The following ZNF142 variants were observed in gnomAD, a reference collection of about 807,000 sequenced individuals.
ZNF142 encodes zinc finger protein 142 (clone pHZ-49).
ZNF142 carries 96 observed loss-of-function variants against 132.1 expected under a neutral mutation model. The ratio of observed to expected loss-of-function variants is 0.73; its 90% CI spans 0.62 to 0.86. ZNF142 has a LOEUF of 0.86. Ranked by LOEUF, ZNF142 falls within the 40% of genes least tolerant of loss-of-function variation. The probability of loss-of-function intolerance (pLI) is 0.00; values close to 1 mark genes in which losing one functional copy is unlikely to be tolerated. For synonymous variants in ZNF142, 842 were observed against 890.1 expected, an observed-to-expected ratio of 0.95 and a Z score of 0.96; for missense variants, 2,163 against 2,336.2, an observed-to-expected ratio of 0.93 and a Z score of 1.53.
chr2:218,645,918 T>A (rs910080323), intron 8 of ZNF142, among the ~76,000 whole-genome samples: 3 of 152,170 alleles, frequency 2.0e-5, no homozygotes, highest in African/African-American at 7.2e-5. Flanking sequence ...TCTGCTACCA[T>A]GCCCAGCTAA....
At chr2:218,652,371 G>C in intron 4 of ZNF142, 71 bp from the exon 5 acceptor site, 2 of 448,050 alleles carry the variant, frequency 4.5e-6, no homozygotes, top group South Asian at 3.2e-5. Context: ...TTAGTTACTA[G>C]TAGAAAATGT....
chr2:218,636,841 C>T lies in ZNF142; in HGVS notation c.*1498G>A. 1 of 542,190 alleles carries T rather than the reference C, an allele frequency of 1.8e-6. No homozygotes were observed. The highest frequency in any genetic ancestry group is 3.5e-6 in the Non-Finnish European group (1 of 283,606). 33.6% of individuals were successfully genotyped at this position (542,190 alleles called of 1,614,324 possible). On this transcript the variant is annotated 3_prime_UTR_variant, in exon 11 of 11. Coordinates refer to ENST00000411696, the MANE Select transcript of ZNF142 (RefSeq NM_001379659.1). ...TTTGTGTACTCTATACTGGAGTTCC[C>T]TTCTTCCTCTTGCTGTAGGCTCAAT...
chr2:218,651,588 C>T, intron 5 of ZNF142, 113 bp downstream of exon 5: 1 of 1,150,808 alleles, frequency 8.7e-7, no homozygotes. Flanking sequence ...GAGCCACTGT[C>T]TAGATTCTCT....
rs1411142664 is a variant in ZNF142, at chr2:218,636,859, G to A, written c.*1480C>T. ...GAGTTCCCTTCTTCCTCTTGCTGTA[G>A]GCTCAATCCCATACCGACATCTACA... On this transcript the variant is annotated 3_prime_UTR_variant, in exon 11 of 11. Transcript: ENST00000411696. 2 of 516,588 alleles carry A rather than the reference G, an allele frequency of 3.9e-6. No individual in the cohort carries two copies. The highest frequency in any genetic ancestry group is 2.3e-5 in the Admixed American group (1 of 44,242). 32.0% of individuals were successfully genotyped at this position (516,588 alleles called of 1,614,324 possible).
In ZNF142 at chr2:218,642,173, C is replaced by G. The variant is rs775858349; in HGVS notation, c.4943G>C (p.Gly1648Ala). The change falls in exon 9 of 11, where the codon GGC becomes GCC. Residue 1648 changes from glycine to alanine, a missense_variant. Gly to Ala is a moderately conservative substitution (Grantham distance 60). Coordinates refer to ENST00000411696, the MANE Select transcript of ZNF142 (RefSeq NM_001379659.1). This position sits in a 1 kb window ranked among gnomAD's most constrained non-coding sequence, Gnocchi z 4.6. ...VLDHHVKGHGGTRLYKCTDCA... is the reference protein window; with the variant it reads ...VLDHHVKGHGATRLYKCTDCA... ...ATCGGTGCACTTGTAGAGACGAGTG[C>G]CCCCATGCCCTTTCACATGGTGATC... 2 of 1,614,174 alleles carry G rather than the reference C, an allele frequency of 1.2e-6. No homozygotes were observed. Among genetic ancestry groups the G allele is most frequent in the Admixed American group, 3.3e-5 (2 of 60,024 alleles).
At chr2:218,654,372 C>T (rs1575085205) in intron 4 of ZNF142, among the ~76,000 whole-genome samples, 2 of 147,420 alleles carry the variant, frequency 1.4e-5, no homozygotes, top group African/African-American at 2.5e-5. Context: ...AATGCATCTC[C>T]TTTTTTTTTT....
rs1697058219 is a variant in ZNF142 at position 218,640,084 on chromosome 2, A to AG, written c.5194+579_5194+580insC. Reference sequence around the variant, plus strand: ...CTCAAAAAAAAAAAAAAAAAAAAAAAAAAAAGAAATACTTAGGAGGGAAGA... The same window carrying AG: ...CTCAAAAAAAAAAAAAAAAAAAAAAAGAAAAAGAAATACTTAGGAGGGAAGA... On this transcript the variant is annotated intron_variant, in intron 10 of 10. Coordinates refer to ENST00000411696, the MANE Select transcript of ZNF142 (RefSeq NM_001379659.1). Among the ~76,000 whole-genome samples, 3 of 150,716 alleles carry AG rather than the reference A, an allele frequency of 2.0e-5. No homozygotes were observed. In the South Asian group the frequency reaches 6.3e-4, roughly 32 times the overall value.
chr2:218,647,959 AGT>A (rs757112282), intron 7 of ZNF142, among the ~76,000 whole-genome samples: 32 of 152,268 alleles, frequency 2.1e-4, no homozygotes, highest in Non-Finnish European at 4.3e-4. Context: ...GAATGAGTTC[AGT>A]GAGAATGGCT....
At chr2:218,657,917 C>T (rs781273602) in intron 3 of ZNF142, among the ~76,000 whole-genome samples, 1 of 152,206 alleles carries the variant, frequency 6.6e-6, no homozygotes, top group Non-Finnish European at 1.5e-5. Context: ...CTGACATTAT[C>T]ACTTCAACGA....
intron 7 of ZNF142, among the ~76,000 whole-genome samples, chr2:218,646,734 G>A (rs1482811548): frequency 6.6e-6 from 1 of 152,092 alleles, no homozygotes; most frequent in Non-Finnish European, 1.5e-5. Flanking sequence ...ACAGGTGCCC[G>A]CCACCACGCC....
chr2:218,642,701 A>T lies in ZNF142; in HGVS notation c.4415T>A (p.Ile1472Asn). ...CDYSGYLRHD[I>N]TRHVNSCHQG... The stretch of plus-strand genomic sequence containing the variant: ...GTGGCAGCTGTTGACATGACGAGTG[A>T]TGTCATGGCGAAGGTAGCCACTATA... The change falls in exon 9 of 11, where the codon ATC (isoleucine) becomes AAC (asparagine). Residue 1472 changes from isoleucine to asparagine, a missense_variant. This residue lies in a region of ZNF142 where 809 missense variants were observed against 801.7 expected (regional missense o/e 1.01). Coordinates refer to ENST00000411696, the MANE Select transcript of ZNF142 (RefSeq NM_001379659.1). This position sits in a 1 kb window ranked among gnomAD's most constrained non-coding sequence, Gnocchi z 4.6. The T allele has an allele frequency of 6.2e-7, 1 of 1,614,036 alleles. No homozygotes were observed. The highest frequency in any genetic ancestry group is 8.5e-7 in the Non-Finnish European group (1 of 1,180,020).
In ZNF142 at chr2:218,636,273, G is replaced by A. The variant is rs767999714; in HGVS notation, c.*2066C>T. ...AATCCATACTGGGGGCAGACACTAT[G>A]TTTCCGGGTGCTGGTGCCTGAACTT... On this transcript the variant is annotated 3_prime_UTR_variant, in exon 11 of 11. Transcript: ENST00000411696. 1.1e-5 allele frequency: 17 copies of A among 1,613,916 alleles called. No individual in the cohort carries two copies. The Admixed American group carries it at 1.5e-4, about 14-fold the overall frequency.
chr2:218,650,552 G>A, intron 5 of ZNF142, 26 bp from the exon 6 acceptor site: 1 of 1,529,086 alleles, frequency 6.5e-7, no homozygotes, highest in Admixed American at 2.2e-5. Flanking sequence ...ACTTGATAAA[G>A]TCTACAGGAG....
chr2:218,646,408 A>G (rs1697737299), intron 7 of ZNF142, 60 bp from the exon 8 acceptor site: 1 of 1,574,772 alleles, frequency 6.4e-7, no homozygotes, highest in Non-Finnish European at 8.6e-7. Context: ...TCAAGTGGAC[A>G]GACCATTTCT....
rs543893226 is a variant in ZNF142, at chr2:218,642,061, G to A, written c.5055C>T (p.Cys1685=). 1.3e-5 allele frequency: 21 copies of A among 1,614,192 alleles called. No homozygotes were observed. The South Asian group carries it at 2.2e-4, about 17-fold the overall frequency. The stretch of plus-strand genomic sequence containing the variant: ...GAGAGGGATCAGCACAGGCATAGGG[G>A]CAGAGGTGACAGTGGTAAGGCTTTT... ...TGEKPYHCHL[C]PYACADPSRL... is the part of the protein sequence containing the mutation. Residue 1685 remains cysteine, a synonymous_variant, in exon 9 of 11, where the codon TGC becomes TGT. Transcript: ENST00000411696. This position sits in a 1 kb window ranked among gnomAD's most constrained non-coding sequence, Gnocchi z 4.6.
rs1937755526 is a variant in ZNF142 at position 218,649,335 on chromosome 2, G to C, written c.1173C>G (p.Leu391=). 1 of 1,614,226 alleles carries C rather than the reference G, an allele frequency of 6.2e-7. No individual in the cohort carries two copies. The highest frequency in any genetic ancestry group is 8.5e-7 in the Non-Finnish European group (1 of 1,180,042). Residue 391 remains leucine, a synonymous_variant, in exon 7 of 11, where the codon CTC becomes CTG. Coordinates refer to ENST00000411696, the MANE Select transcript of ZNF142 (RefSeq NM_001379659.1). ...HLHLHFPDPS[L]QCPNCQKFFT... is the part of the protein sequence containing the mutation. ...AGAACTTCTGGCAGTTAGGGCACTG[G>C]AGGCTGGGGTCTGGGAAGTGGAGAT... is the stretch of plus-strand genomic sequence containing the variant.
At position 218,634,217 on chromosome 2, in the gene ZNF142, G is replaced by A. The variant is rs1351137578; in HGVS notation, c.*4122C>T. 6.2e-7 allele frequency: 1 copy of A among 1,608,690 alleles called. No homozygotes were observed. ...AGGAACTCTGGAATGCAGGCTGCCA[G>A]ATGGGTGAGGAGGCAGCAGGGACTG... On this transcript the variant is annotated 3_prime_UTR_variant, in exon 11 of 11. Coordinates refer to ENST00000411696, the MANE Select transcript of ZNF142 (RefSeq NM_001379659.1). This position sits in a 1 kb window ranked among gnomAD's most constrained non-coding sequence, Gnocchi z 4.0.
Position 218,635,653 on chromosome 2 carries a change from C to A in ZNF142, c.*2686G>T. The stretch of plus-strand genomic sequence containing the variant: ...CGGCCTTTGGGTGCATTTTAAATTG[C>A]AGATAGAATACTAGAAGAAAATATA... On this transcript the variant is annotated 3_prime_UTR_variant, in exon 11 of 11. Coordinates refer to ENST00000411696, the MANE Select transcript of ZNF142 (RefSeq NM_001379659.1). 2 of 1,216,188 alleles carry A rather than the reference C, an allele frequency of 1.6e-6. No individual in the cohort carries two copies. The highest frequency in any genetic ancestry group is 2.2e-6 in the Non-Finnish European group (2 of 889,956). The allele number at this position is 1,216,188 out of a possible 1,614,324, so 75.3% of individuals were successfully genotyped here.
In ZNF142 at chr2:218,644,183, T is replaced by G; in HGVS notation, c.2933A>C (p.Asn978Thr). 1 of 1,614,020 alleles carries G rather than the reference T, an allele frequency of 6.2e-7. No homozygotes were observed. ...NPPSLEEAPN[N>T]WVGTFKTTPP... ...AGTTGTCTTGAAGGTTCCTACCCAG[T>G]TGTTAGGAGCCTCCTCTAAGGATGG... The change falls in exon 9 of 11, where the codon AAC becomes ACC. Residue 978 changes from asparagine to threonine, a missense_variant. Around this residue, in one of 7 missense-constraint regions of ZNF142, gnomAD observed 809 missense variants for 801.7 expected, o/e 1.01. Coordinates refer to ENST00000411696, the MANE Select transcript of ZNF142 (RefSeq NM_001379659.1). The surrounding 1 kb of genome is among the most constrained non-coding windows in gnomAD (Gnocchi z 4.6).
Sources: allele counts gnomAD v4.1 joint callset (sites outside exome capture counted in the v4.1 genomes callset), GRCh38; gene constraint gnomAD v4.1.1; regional missense constraint gnomAD v4.1.1; non-coding constraint Gnocchi (gnomAD v3.1); transcripts MANE v1.5; gene names NCBI Gene and HGNC (gene_info 2026-07-23, HGNC 2026-07-21).